Variants in PCDHA12 observed in about 807,000 individuals in gnomAD.
PCDHA12 encodes the protein protocadherin alpha 12, also known as protocadherin alpha-12.
Under a neutral mutation model 60.0 loss-of-function variants are expected in PCDHA12, and 44 were observed. The ratio of observed to expected loss-of-function variants is 0.73; its 90% CI spans 0.58 to 0.94. The LOEUF (loss-of-function observed/expected upper bound fraction) is 0.94. Ranked by LOEUF, PCDHA12 falls within the 40% of genes least tolerant of loss-of-function variation. PCDHA12 has a pLI of 0.00. For missense variants in PCDHA12, 1,276 were observed against 1,239.7 expected (o/e 1.03, Z -0.44); for synonymous variants, 569 against 553.0 (o/e 1.03, Z -0.40).
At chr5:140,927,612 C>T (rs781873236) in intron 1 of PCDHA12, 12 of 1,614,172 alleles carry the variant, frequency 7.4e-6, no homozygotes, top group Non-Finnish European at 8.5e-6. Context: ...TATACCGCAC[C>T]AAGGTTCCAG....
At chr5:140,971,845 G>C (rs370364575) in intron 1 of PCDHA12, among the ~76,000 whole-genome samples, 1 of 151,934 alleles carries the variant, frequency 6.6e-6, no homozygotes, top group Non-Finnish European at 1.5e-5. Flanking sequence ...CAAGTCATGC[G>C]TTAAATATTT....
At chr5:140,889,176 A>T (rs2062131208) in intron 1 of PCDHA12, among the ~76,000 whole-genome samples, 1 of 151,738 alleles carries the variant, frequency 6.6e-6, no homozygotes, top group South Asian at 2.1e-4. Context: ...CAAGTTATAA[A>T]TAAGAATCTA....
chr5:140,936,941 T>C (rs547536853), intron 1 of PCDHA12, among the ~76,000 whole-genome samples: 14 of 152,342 alleles, frequency 9.2e-5, no homozygotes, highest in Non-Finnish European at 1.3e-4. Flanking sequence ...GAAAATATCT[T>C]ATTTTGATCT....
At chr5:140,991,808 G>A (rs367660702) in intron 3 of PCDHA12, among the ~76,000 whole-genome samples, 4 of 152,074 alleles carry the variant, frequency 2.6e-5, no homozygotes, top group East Asian at 1.9e-4. Flanking sequence ...GGCCACTTCC[G>A]CATTTTTAGG....
At chr5:140,998,347 T>C (rs2097807005) in intron 3 of PCDHA12, among the ~76,000 whole-genome samples, 1 of 152,202 alleles carries the variant, frequency 6.6e-6, no homozygotes, top group Non-Finnish European at 1.5e-5. Context: ...TCTGAGTCTG[T>C]GCTCTTAACC....
At chr5:140,968,494 C>T in intron 1 of PCDHA12, 1 of 1,614,096 alleles carries the variant, frequency 6.2e-7, no homozygotes, top group Non-Finnish European at 8.5e-7. Flanking sequence ...ATGACCATGC[C>T]CCTCACATTC....
chr5:140,883,518 G>A, intron 1 of PCDHA12: 2 of 1,614,234 alleles, frequency 1.2e-6, no homozygotes, highest in South Asian at 1.1e-5. Flanking sequence ...GACCGCGAGA[G>A]CGTATCAGCC....
intron 2 of PCDHA12, among the ~76,000 whole-genome samples, chr5:140,980,549 G>A (rs1382828581): frequency 1.3e-5 from 2 of 152,162 alleles, no homozygotes; most frequent in Non-Finnish European, 2.9e-5. Context: ...AGAATCGCTT[G>A]AACCCGGGAG....
At position 140,932,324 on chromosome 5, in the gene PCDHA12, A is replaced by C. The variant is rs188019504; in HGVS notation, c.2368-46625A>C. On this transcript the variant is annotated intron_variant, in intron 1 of 3. Coordinates refer to ENST00000398631, the MANE Select transcript of PCDHA12 (RefSeq NM_018903.4). Reference sequence around the variant, plus strand: ...AAAGGTATAAATATATTAATGTAGCAAAAATGCATGAAACACTTACCATAC... The same window carrying C: ...AAAGGTATAAATATATTAATGTAGCCAAAATGCATGAAACACTTACCATAC... Among the ~76,000 whole-genome samples the C allele has an allele frequency of 5.8e-3, 886 of 152,084 alleles. 7 individuals are homozygous for C. The highest frequency in any genetic ancestry group is 0.021 in the African/African-American group (858 of 41,564).
intron 1 of PCDHA12, chr5:140,968,744 G>T: frequency 6.2e-7 from 1 of 1,614,164 alleles, no homozygotes; most frequent in Non-Finnish European, 8.5e-7. Context: ...CAACCTGACC[G>T]TGGTGGTCCG....
At chr5:140,949,826 T>G (rs954476311) in intron 1 of PCDHA12, among the ~76,000 whole-genome samples, 2 of 151,922 alleles carry the variant, frequency 1.3e-5, no homozygotes, top group Non-Finnish European at 2.9e-5. Flanking sequence ...ATTTGTCCCC[T>G]CTGATTTTGT....
At chr5:140,890,526 ATCT>A (rs2062679933) in intron 1 of PCDHA12, among the ~76,000 whole-genome samples, 1 of 151,278 alleles carries the variant, frequency 6.6e-6, no homozygotes, top group Admixed American at 6.6e-5. Flanking sequence ...TCCTTTGTTG[ATCT>A]TCTTTTGAAA....
intron 1 of PCDHA12, among the ~76,000 whole-genome samples, chr5:140,880,962 A>G (rs1439455519): frequency 6.6e-6 from 1 of 152,224 alleles, no homozygotes; most frequent in Non-Finnish European, 1.5e-5. Context: ...GATGAGGGTA[A>G]GAGAATACCA....
At chr5:141,001,452 A>G (rs2098018922) in intron 3 of PCDHA12, among the ~76,000 whole-genome samples, 1 of 152,196 alleles carries the variant, frequency 6.6e-6, no homozygotes, top group Admixed American at 6.5e-5. Context: ...TCCACTGTCA[A>G]TTGAAGGACT....
chr5:140,883,227 T>C (rs1367769120), intron 1 of PCDHA12: 2 of 1,613,830 alleles, frequency 1.2e-6, no homozygotes, highest in African/African-American at 2.7e-5. Flanking sequence ...GAAATATCCG[T>C]GGAGGCAGTT....
intron 1 of PCDHA12, among the ~76,000 whole-genome samples, chr5:140,948,708 C>A (rs1376587735): frequency 6.6e-6 from 1 of 151,114 alleles, no homozygotes; most frequent in Non-Finnish European, 1.5e-5. Flanking sequence ...TGTGTTCTAT[C>A]CTCTTTTTTA....
chr5:140,987,523 T>C (rs942927324), intron 3 of PCDHA12, among the ~76,000 whole-genome samples: 1 of 152,174 alleles, frequency 6.6e-6, no homozygotes, highest in Non-Finnish European at 1.5e-5. Context: ...AGTAATTGTA[T>C]GTTCCTGGGA....
At chr5:140,962,543 G>A (rs962454688) in intron 1 of PCDHA12, among the ~76,000 whole-genome samples, 1 of 152,176 alleles carries the variant, frequency 6.6e-6, no homozygotes, top group African/African-American at 2.4e-5. Flanking sequence ...AACTAAAAAT[G>A]TAGAGGATCT....
At chr5:140,896,430 T>C (rs543866183) in intron 1 of PCDHA12, among the ~76,000 whole-genome samples, 41 of 152,158 alleles carry the variant, frequency 2.7e-4, no homozygotes, top group Non-Finnish European at 4.4e-4. Context: ...CCATTCTGAC[T>C]GGTGTGACTG....
Sources: allele counts gnomAD v4.1 joint callset (sites outside exome capture counted in the v4.1 genomes callset), GRCh38; gene constraint gnomAD v4.1.1; transcripts MANE v1.5; gene names NCBI Gene and HGNC (gene_info 2026-07-23, HGNC 2026-07-21).